IFI27L2: variants seen among roughly 807,000 people sequenced by gnomAD.
IFI27L2 encodes the protein interferon alpha-inducible protein 27-like protein 2.
A neutral mutation model predicts 7.9 loss-of-function variants in IFI27L2; 8 were observed. That is an observed-to-expected ratio of 1.02 (90% CI 0.60 to 1.84). IFI27L2 has a LOEUF of 1.84. Among genes scored for constraint, IFI27L2 ranks in the 40% most tolerant of loss-of-function variants. The pLI, the probability that IFI27L2 is intolerant of heterozygous loss-of-function variation, is 0.00. For synonymous variants in IFI27L2, 56 were observed against 66.5 expected, an observed-to-expected ratio of 0.84 and a Z score of 0.77; for missense variants, 190 against 165.8, an observed-to-expected ratio of 1.15 and a Z score of -0.80.
At chr14:94,128,763 T>G in intron 2 of IFI27L2, 88 bp from the exon 3 acceptor site, 1 of 1,103,990 alleles carries the variant, frequency 9.1e-7, no homozygotes, top group Non-Finnish European at 1.3e-6. Context: ...CCTTGACAGT[T>G]TCCGGAGACT....
chr14:94,128,512 AC>A lies in IFI27L2; in HGVS notation c.199+1del, dbSNP rs1371792175. ...TCTGGTGGTCCTGTCTAGGACACTT[AC>A]CCACGGACTGCAGAGTAGCCACCAG... is the stretch of plus-strand genomic sequence containing the variant. On this transcript the variant is annotated splice_donor_variant, in intron 3 of 3. Coordinates refer to ENST00000238609, the MANE Select transcript of IFI27L2 (RefSeq NM_032036.3). LOFTEE classifies it high-confidence loss of function. The A allele has an allele frequency of 1.2e-6, 2 of 1,613,892 alleles. No homozygotes were observed. The highest frequency in any genetic ancestry group is 1.7e-6 in the Non-Finnish European group (2 of 1,179,834).
chr14:94,129,166 G>A lies in IFI27L2; in HGVS notation c.37+96C>T, dbSNP rs1457266758. On this transcript the variant is annotated intron_variant, in intron 2 of 3. Coordinates refer to ENST00000238609, the MANE Select transcript of IFI27L2 (RefSeq NM_032036.3). The stretch of plus-strand genomic sequence containing the variant: ...ACTCGGGCAGCTTCGGAAGTGGAGG[G>A]TGAGAGCCAGCCCAGCGCCTCATCT... The A allele has an allele frequency of 1.1e-5, 11 of 959,498 alleles. No individual in the cohort carries two copies. In the South Asian group the frequency reaches 1.5e-4, roughly 13 times the overall value. 59.4% of individuals were successfully genotyped at this position (959,498 alleles called of 1,614,324 possible). A position where few individuals can be genotyped will look rare whatever the true frequency, so the allele number is the denominator to read the frequency against.
chr14:94,129,002 C>G (rs1887636753), intron 2 of IFI27L2: 1 of 573,004 alleles, frequency 1.7e-6, no homozygotes, highest in Non-Finnish European at 3.1e-6. Context: ...AAATAAGCCA[C>G]GTGGAGTTTA....
intron 1 of IFI27L2, 49 bp from the exon 2 acceptor site, chr14:94,129,340 A>G: frequency 6.6e-7 from 1 of 1,521,594 alleles, no homozygotes; most frequent in Non-Finnish European, 9.1e-7. Context: ...GAAAGGGGAG[A>G]AAGAGGAGAG....
intron 3 of IFI27L2, 76 bp from the exon 4 acceptor site, chr14:94,128,068 C>G: frequency 1.5e-5 from 15 of 984,322 alleles, no homozygotes; most frequent in Non-Finnish European, 2.3e-5. Context: ...TCCTCCAGGT[C>G]CTGAAAATCC....
chr14:94,127,828 G>A lies in IFI27L2; in HGVS notation c.364C>T (p.Pro122Ser). ...TCCTCATGTTTCTCTGACTTGAGTG[G>A]GGGTTTTGGAGGTTCACCTTGGGGT... ...NVPQGEPPKPPLKSEKHEE is the reference protein window; with the variant it reads ...NVPQGEPPKPSLKSEKHEE The change falls in exon 4 of 4, where the codon CCA (proline) becomes TCA (serine). Residue 122 changes from proline (P) to serine (S), a missense_variant. Physicochemically the swap from Pro to Ser is moderately conservative, Grantham distance 74. Transcript: ENST00000238609. The A allele has an allele frequency of 6.2e-7, 1 of 1,614,048 alleles. No homozygotes were observed. Among genetic ancestry groups the A allele is most frequent in the Non-Finnish European group, 8.5e-7 (1 of 1,179,902 alleles).
chr14:94,128,257 G>A, intron 3 of IFI27L2: 1 of 593,838 alleles, frequency 1.7e-6, no homozygotes. Context: ...CCTTGCCCAG[G>A]TCACCCAGGT....
intron 2 of IFI27L2, 60 bp from the exon 3 acceptor site, chr14:94,128,735 G>C (rs181639160): frequency 5.0e-6 from 7 of 1,392,256 alleles, no homozygotes; most frequent in African/African-American, 1.4e-5. Flanking sequence ...CCTTCCCCCC[G>C]CCCCCCGCTT....
chr14:94,128,345 C>T, intron 3 of IFI27L2, 169 bp downstream of exon 3: 1 of 645,812 alleles, frequency 1.5e-6, no homozygotes, highest in East Asian at 2.7e-5. Context: ...CCCTCCACTC[C>T]TACCCCAAAC....
chr14:94,127,900 G>A lies in IFI27L2; in HGVS notation c.292C>T (p.Leu98Phe). The change falls in exon 4 of 4, where the codon CTC (leucine) becomes TTC (phenylalanine). Residue 98 changes from leucine to phenylalanine, a missense_variant. Transcript: ENST00000238609. ...ACLGNSPSSS[L>F]PAEPEAKEDE... ...TCTTTAGCCTCGGGTTCAGCTGGGAGAGAAGAAGAAGGTGAATTCCCCAAG... is the reference window on the plus strand; with the variant it reads ...TCTTTAGCCTCGGGTTCAGCTGGGAAAGAAGAAGAAGGTGAATTCCCCAAG... 6.2e-7 allele frequency: 1 copy of A among 1,613,770 alleles called. No individual in the cohort carries two copies.
At chr14:94,128,414 C>A in intron 3 of IFI27L2, 100 bp downstream of exon 3, 1 of 1,072,296 alleles carries the variant, frequency 9.3e-7, no homozygotes, top group Non-Finnish European at 1.4e-6. Context: ...ACCCAGGAAG[C>A]TGAGGGTCAC....
chr14:94,129,602 G>C lies in IFI27L2; in HGVS notation c.-38C>G. ...CGGGTCCCAACTTGGCCCAGGAAATGACAGCGTTCTTGGGGTGTTACTTCC... is the reference window on the plus strand; with the variant it reads ...CGGGTCCCAACTTGGCCCAGGAAATCACAGCGTTCTTGGGGTGTTACTTCC... On this transcript the variant is annotated 5_prime_UTR_variant, in exon 1 of 4. Coordinates refer to ENST00000238609, the MANE Select transcript of IFI27L2 (RefSeq NM_032036.3). The C allele has an allele frequency of 6.2e-7, 1 of 1,611,022 alleles. No individual in the cohort carries two copies. The highest frequency in any genetic ancestry group is 8.5e-7 in the Non-Finnish European group (1 of 1,177,320).
intron 2 of IFI27L2, 124 bp downstream of exon 2, chr14:94,129,138 G>C (rs1339505161): frequency 1.4e-6 from 1 of 725,084 alleles, no homozygotes; most frequent in East Asian, 2.5e-5. Flanking sequence ...GCTCACTCAG[G>C]CTACTCGGGC....
chr14:94,128,747 G>T, intron 2 of IFI27L2, 72 bp from the exon 3 acceptor site: 2 of 1,315,646 alleles, frequency 1.5e-6, no homozygotes, highest in Non-Finnish European at 1.0e-6. Context: ...CCCCCGCTTA[G>T]GAATTCCTTG....
In IFI27L2 at chr14:94,128,806, G is replaced by A. The variant is rs138016770; in HGVS notation, c.38-131C>T. 141 of 708,618 alleles carry A rather than the reference G, an allele frequency of 2.0e-4. 1 individual carries two copies. In the African/African-American group the frequency reaches 2.4e-3, roughly 12 times the overall value. 43.9% of individuals were successfully genotyped at this position (708,618 alleles called of 1,614,324 possible). A position where few individuals can be genotyped will look rare whatever the true frequency, so the allele number is the denominator to read the frequency against. ...TGAGCAATACAGAGATGGCAACTTA[G>A]TGGTCTTCTGGTGAAGAAAAGGTGG... On this transcript the variant is annotated intron_variant, in intron 2 of 3. Transcript: ENST00000238609.
intron 3 of IFI27L2, 104 bp from the exon 4 acceptor site, chr14:94,128,096 TAGA>T: frequency 9.7e-6 from 7 of 720,900 alleles, no homozygotes; most frequent in Non-Finnish European, 1.6e-5. Flanking sequence ...CTGCCATGGG[TAGA>T]AGCTGCTAGA....
At chr14:94,128,773 T>C in intron 2 of IFI27L2, 98 bp from the exon 3 acceptor site, 1 of 1,037,288 alleles carries the variant, frequency 9.6e-7, no homozygotes, top group Non-Finnish European at 1.4e-6. Flanking sequence ...TTCCGGAGAC[T>C]GTCAGCTTGA....
intron 1 of IFI27L2, 84 bp from the exon 2 acceptor site, chr14:94,129,375 G>C (rs1887644084): frequency 1.8e-6 from 2 of 1,119,314 alleles, no homozygotes; most frequent in Admixed American, 1.9e-5. Flanking sequence ...GGAGGGAGGG[G>C]GAGGGAAGCA....
Position 94,129,264 on chromosome 14 carries a change from C to A in IFI27L2, c.35G>T (p.Gly12Val). 6.2e-7 allele frequency: 1 copy of A among 1,612,938 alleles called. No homozygotes were observed. Among genetic ancestry groups the A allele is most frequent in the Non-Finnish European group, 8.5e-7 (1 of 1,179,376 alleles). Reference sequence around the variant, plus strand: ...GACAGGCGATCCGGGTAACTTACCTCCTCCCACTGCAGCAGCAGCTGCCCG... The same window carrying A: ...GACAGGCGATCCGGGTAACTTACCTACTCCCACTGCAGCAGCAGCTGCCCG... ...MKRAAAAAVG[G>V]ALAVGAVPVV... The change falls in exon 2 of 4, where the codon GGA (glycine) becomes GTA (valine). Residue 12 changes from glycine to valine, a missense_variant and splice_region_variant. Physicochemically the swap from Gly to Val is moderately radical, Grantham distance 109 (BLOSUM62 -3). Transcript: ENST00000238609.
Sources: gnomAD v4.1 joint callset for allele counts on GRCh38, gnomAD v4.1.1 for gene constraint, MANE v1.5 for transcripts, NCBI Gene and HGNC (gene_info 2026-07-23, HGNC 2026-07-21) for gene names.